STPG4: variants seen among roughly 807,000 people sequenced by gnomAD.
The protein encoded by STPG4 is sperm-tail PG-rich repeat containing 4.
Under a neutral mutation model 31.5 loss-of-function variants are expected in STPG4, and 41 were observed. That is an observed-to-expected ratio of 1.30 (90% CI 1.01 to 1.69). STPG4 has a LOEUF of 1.69. Among genes scored for constraint, STPG4 ranks in the 40% most tolerant of loss-of-function variants. STPG4 has a pLI of 0.00. For missense variants in STPG4, 375 were observed against 293.4 expected (o/e 1.28, Z -2.03); for synonymous variants, 141 against 103.0 (o/e 1.37, Z -2.24).
chr2:47,138,096 A>G (rs529466889), intron 3 of STPG4, among the ~76,000 whole-genome samples: 1 of 152,172 alleles, frequency 6.6e-6, no homozygotes, highest in South Asian at 2.1e-4. Flanking sequence ...CTTCTTTTCT[A>G]ATACATGCAT....
chr2:47,107,393 G>A (rs186524319), intron 5 of STPG4, among the ~76,000 whole-genome samples: 2,661 of 152,270 alleles, frequency 0.017, 45 homozygotes, highest in Non-Finnish European at 0.025. Flanking sequence ...CGGCCCTGCC[G>A]GCCCCGGGCA....
chr2:47,122,256 T>A (rs561890757), intron 5 of STPG4, among the ~76,000 whole-genome samples: 1 of 152,334 alleles, frequency 6.6e-6, no homozygotes, highest in Non-Finnish European at 1.5e-5. Context: ...CTGTTAGGAA[T>A]GTTGAAAATA....
intron 3 of STPG4, among the ~76,000 whole-genome samples, chr2:47,136,883 T>C (rs1365453785): frequency 6.6e-6 from 1 of 152,210 alleles, no homozygotes; most frequent in Non-Finnish European, 1.5e-5. Flanking sequence ...GTTTCAGGAA[T>C]TTTTGTTGAT....
At chr2:47,094,122 TCA>T (rs1221930341) in intron 5 of STPG4, among the ~76,000 whole-genome samples, 1 of 152,260 alleles carries the variant, frequency 6.6e-6, no homozygotes, top group African/African-American at 2.4e-5. Context: ...ACCTTGGGTC[TCA>T]CATTGTGTAT....
intron 3 of STPG4, among the ~76,000 whole-genome samples, chr2:47,141,796 C>T (rs1686717390): frequency 6.6e-6 from 1 of 151,696 alleles, no homozygotes. Flanking sequence ...GTGTTCAGAT[C>T]ACTGCTGTTG....
chr2:47,110,964 T>A (rs2103754159), intron 5 of STPG4, among the ~76,000 whole-genome samples: 1 of 152,362 alleles, frequency 6.6e-6, no homozygotes, highest in Non-Finnish European at 1.5e-5. Flanking sequence ...TTAAAAAAAT[T>A]AAAACTCTTA....
At chr2:47,120,936 G>A (rs1030605591) in intron 5 of STPG4, 14 of 152,434 alleles carry the variant, frequency 9.2e-5, no homozygotes, top group African/African-American at 3.4e-4. Context: ...AAAGAGCCAA[G>A]AGAGAGACAG....
At chr2:47,104,260 C>T (rs10451650) in intron 5 of STPG4, among the ~76,000 whole-genome samples, 22,212 of 151,930 alleles carry the variant, frequency 0.15, 1,844 homozygotes, top group Non-Finnish European at 0.16. Flanking sequence ...GCAATATCCC[C>T]TAAGGCATGA....
In STPG4 at chr2:47,155,227, C is replaced by G; in HGVS notation, c.25G>C (p.Ala9Pro). The G allele has an allele frequency of 6.2e-7, 1 of 1,614,126 alleles. No homozygotes were observed. Among genetic ancestry groups the G allele is most frequent in the East Asian group, 2.2e-5 (1 of 44,848 alleles). ...AGGTCTTCCCTTATTGAGGTGGAAG[C>G]GGTGGCGACGGCTGGCTGGTCCATG... MDQPAVAT[A>P]STSIREDLVG... Residue 9 changes from alanine (A) to proline (P), a missense_variant, in exon 1 of 7, where the codon GCT (alanine) becomes CCT (proline). Ala to Pro is a conservative substitution (Grantham distance 27). Coordinates refer to ENST00000445927, the MANE Select transcript of STPG4 (RefSeq NM_001163561.2).
intron 3 of STPG4, among the ~76,000 whole-genome samples, chr2:47,140,684 G>T (rs1296343586): frequency 6.6e-6 from 1 of 152,164 alleles, no homozygotes; most frequent in African/African-American, 2.4e-5. Context: ...TTAACTTGTT[G>T]TTAGGATGGA....
chr2:47,102,287 TTG>T (rs1685817768), intron 5 of STPG4, among the ~76,000 whole-genome samples: 1 of 151,816 alleles, frequency 6.6e-6, no homozygotes, highest in Non-Finnish European at 1.5e-5. Flanking sequence ...GCGGGCGGTT[TTG>T]TCTTTCAGAT....
chr2:47,134,107 C>G (rs1157942636), intron 3 of STPG4, among the ~76,000 whole-genome samples: 1 of 149,106 alleles, frequency 6.7e-6, no homozygotes, highest in African/African-American at 2.4e-5. Flanking sequence ...AGCAAAATTG[C>G]AAGGAAAGAG....
At chr2:47,129,668 A>C in intron 5 of STPG4, 1 of 325,304 alleles carries the variant, frequency 3.1e-6, no homozygotes, top group Non-Finnish European at 5.6e-6. Flanking sequence ...GGGGGAGGGT[A>C]GTGTCAGTAA....
chr2:47,115,375 TG>T (rs1233927862), intron 5 of STPG4, among the ~76,000 whole-genome samples: 1 of 152,186 alleles, frequency 6.6e-6, no homozygotes. Flanking sequence ...TCTGCTCCTT[TG>T]TTTTGCTGTA....
At chr2:47,125,724 A>ATTTT (rs59579520) in intron 5 of STPG4, among the ~76,000 whole-genome samples, 1 of 149,184 alleles carries the variant, frequency 6.7e-6, no homozygotes, top group African/African-American at 2.5e-5. Flanking sequence ...CTTAGATTTA[A>ATTTT]TTTTTTTTTT....
At chr2:47,100,776 A>G (rs1685780330) in intron 5 of STPG4, among the ~76,000 whole-genome samples, 1 of 151,694 alleles carries the variant, frequency 6.6e-6, no homozygotes, top group South Asian at 2.1e-4. Context: ...TAAGAGCTGT[A>G]ACACTCACCA....
intron 6 of STPG4, among the ~76,000 whole-genome samples, chr2:47,087,739 ATAT>A (rs1346301334): frequency 6.6e-6 from 1 of 152,094 alleles, no homozygotes; most frequent in Non-Finnish European, 1.5e-5. Flanking sequence ...GCTTGAACAA[ATAT>A]TATTATTTAT....
At chr2:47,145,095 C>G (rs558171763) in intron 3 of STPG4, among the ~76,000 whole-genome samples, 1 of 152,158 alleles carries the variant, frequency 6.6e-6, no homozygotes, top group African/African-American at 2.4e-5. Context: ...TGATCCTAAA[C>G]TAAAAGACAG....
In STPG4 at chr2:47,100,552, C is replaced by A. The variant is rs1032798879; in HGVS notation, c.520-10178G>T. Among the ~76,000 whole-genome samples the A allele has an allele frequency of 5.3e-4, 80 of 150,420 alleles. 1 individual carries two copies. The highest frequency in any genetic ancestry group is 1.9e-3 in the African/African-American group (78 of 40,692). The stretch of plus-strand genomic sequence containing the variant: ...GATAAGAGAAAAAAAGCAGGCTCCC[C>A]GAGCCAGCAGTGGCAACCCACTCGA... On this transcript the variant is annotated intron_variant, in intron 5 of 6. Coordinates refer to ENST00000445927, the MANE Select transcript of STPG4 (RefSeq NM_001163561.2).
Sources: allele counts gnomAD v4.1 joint callset (sites outside exome capture counted in the v4.1 genomes callset), GRCh38; gene constraint gnomAD v4.1.1; transcripts MANE v1.5; gene names NCBI Gene and HGNC (gene_info 2026-07-23, HGNC 2026-07-21).